DMXL2: variants seen among roughly 807,000 people sequenced by gnomAD.
DMXL2 encodes the protein Dmx like 2.
Under a neutral mutation model 331.1 loss-of-function variants are expected in DMXL2, and 103 were observed. The ratio of observed to expected loss-of-function variants is 0.31; its 90% CI spans 0.27 to 0.37. The LOEUF (loss-of-function observed/expected upper bound fraction) is 0.37, where lower values mean the gene tolerates loss of function less well. Ranked by LOEUF, DMXL2 falls within the 10% of genes least tolerant of loss-of-function variation. The pLI is 1.00. For synonymous variants in DMXL2, 1,281 were observed against 1,252.1 expected, an observed-to-expected ratio of 1.02 and a Z score of -0.49; for missense variants, 3,171 against 3,642.9, an observed-to-expected ratio of 0.87 and a Z score of 3.33.
chr15:51,576,411 G>T (rs1026606194), intron 1 of DMXL2, among the ~76,000 whole-genome samples: 2 of 152,014 alleles, frequency 1.3e-5, no homozygotes, highest in Non-Finnish European at 2.9e-5. Flanking sequence ...TTACTAATAG[G>T]AAAAGGGTTC....
chr15:51,553,662 C>T (rs2049361472), intron 6 of DMXL2, among the ~76,000 whole-genome samples: 1 of 152,062 alleles, frequency 6.6e-6, no homozygotes, highest in Non-Finnish European at 1.5e-5. Context: ...GGATGAAGAC[C>T]TTATGACCAT....
At chr15:51,457,285 A>G (rs765972740) in intron 37 of DMXL2, 43 bp downstream of exon 37, 4 of 1,590,794 alleles carry the variant, frequency 2.5e-6, no homozygotes, top group Non-Finnish European at 3.4e-6. Flanking sequence ...CTGATTTTTC[A>G]GAGTCCAAAT....
At chr15:51,617,354 C>A (rs531707081) in intron 1 of DMXL2, among the ~76,000 whole-genome samples, 4 of 152,312 alleles carry the variant, frequency 2.6e-5, no homozygotes, top group African/African-American at 9.6e-5. Flanking sequence ...TCGCAGGCAA[C>A]TATCATCTGC....
At chr15:51,529,188 T>C (rs2047859239) in intron 13 of DMXL2, among the ~76,000 whole-genome samples, 1 of 151,858 alleles carries the variant, frequency 6.6e-6, no homozygotes, top group Non-Finnish European at 1.5e-5. Context: ...AACCTAACGA[T>C]GACTCTTAAA....
At chr15:51,525,543 G>A (rs532618971) in intron 13 of DMXL2, among the ~76,000 whole-genome samples, 1 of 152,200 alleles carries the variant, frequency 6.6e-6, no homozygotes, top group African/African-American at 2.4e-5. Context: ...TGGATCTTCT[G>A]TGGGCCAGAA....
chr15:51,588,118 T>A (rs1180074212), intron 1 of DMXL2, among the ~76,000 whole-genome samples: 1 of 151,946 alleles, frequency 6.6e-6, no homozygotes, highest in Admixed American at 6.6e-5. Context: ...ATTCTGTAGG[T>A]CGCCTGTTCA....
intron 29 of DMXL2, among the ~76,000 whole-genome samples, 190 bp downstream of exon 29, chr15:51,471,033 A>G (rs914412291): frequency 6.6e-6 from 1 of 152,200 alleles, no homozygotes; most frequent in Non-Finnish European, 1.5e-5. Context: ...TTTGTCTCCT[A>G]CATCATCAGG....
At chr15:51,454,348 C>T (rs1053028391) in intron 40 of DMXL2, among the ~76,000 whole-genome samples, 7 of 152,054 alleles carry the variant, frequency 4.6e-5, no homozygotes, top group Non-Finnish European at 8.8e-5. Context: ...GTTCCTTTCC[C>T]CCACCATATC....
intron 19 of DMXL2, among the ~76,000 whole-genome samples, chr15:51,492,455 G>A (rs781177285): frequency 1.3e-5 from 2 of 152,142 alleles, no homozygotes; most frequent in Non-Finnish European, 2.9e-5. Context: ...GCCTAATACT[G>A]ATGCTTTTTG....
chr15:51,601,395 T>C (rs2053221917), intron 1 of DMXL2, among the ~76,000 whole-genome samples: 2 of 152,086 alleles, frequency 1.3e-5, no homozygotes, highest in South Asian at 4.1e-4. Context: ...CCTTCTAAAA[T>C]ATGTATTGTT....
intron 1 of DMXL2, among the ~76,000 whole-genome samples, chr15:51,585,171 T>G (rs988964640): frequency 1.0e-4 from 10 of 98,986 alleles, no homozygotes; most frequent in African/African-American, 1.6e-4. Flanking sequence ...CTATGTTGAA[T>G]AGGAGCGGTG....
chr15:51,604,278 A>G (rs1472144640), intron 1 of DMXL2, among the ~76,000 whole-genome samples: 1 of 151,224 alleles, frequency 6.6e-6, no homozygotes, highest in African/African-American at 2.4e-5. Context: ...CATCTATAAA[A>G]AAAAAACCTA....
chr15:51,505,791 T>C (rs1482789556), intron 16 of DMXL2, among the ~76,000 whole-genome samples: 1 of 152,238 alleles, frequency 6.6e-6, no homozygotes, highest in African/African-American at 2.4e-5. Flanking sequence ...TTAAATGTTA[T>C]ATAAAAAGTT....
Position 51,514,442 on chromosome 15 carries a change from C to A in DMXL2, c.2644G>T (p.Gly882Ter). The A allele has an allele frequency of 1.3e-6, 2 of 1,514,476 alleles. No individual in the cohort carries two copies. The highest frequency in any genetic ancestry group is 1.4e-5 in the African/African-American group (1 of 71,016). 93.8% of individuals were successfully genotyped at this position (1,514,476 alleles called of 1,614,324 possible). ...ETEIFFQPSQGYRPPPFSEKF... is the reference protein window; with the variant it reads ...ETEIFFQPSQ ...AATGCAGACTATTTTTTTAAAGTAC[C>A]TTGTGATGGCTGAAAAAATATTTCT... Residue 882 changes from glycine to a stop codon, truncating the protein, a stop_gained and splice_region_variant, in exon 15 of 44, where the codon GGA (glycine) becomes TGA (stop). Transcript: ENST00000560891. LOFTEE classifies it high-confidence loss of function.
In DMXL2 at chr15:51,520,381, G is replaced by T. The variant is rs1056717574; in HGVS notation, c.2437-3214C>A. ...ACTCAGCAAGGTCAGTTAACCCAGAGAATCATTTTTAAAATAATATGTATA... is the reference window on the plus strand; with the variant it reads ...ACTCAGCAAGGTCAGTTAACCCAGATAATCATTTTTAAAATAATATGTATA... On this transcript the variant is annotated intron_variant, in intron 13 of 43. Coordinates refer to ENST00000560891, the MANE Select transcript of DMXL2 (RefSeq NM_001378457.1). Among the ~76,000 whole-genome samples the T allele has an allele frequency of 5.9e-5, 9 of 152,152 alleles. No homozygotes were observed. The East Asian group carries it at 7.7e-4, about 13-fold the overall frequency.
At chr15:51,508,007 CATA>C (rs1468841209) in intron 15 of DMXL2, among the ~76,000 whole-genome samples, 2 of 152,130 alleles carry the variant, frequency 1.3e-5, no homozygotes, top group African/African-American at 4.8e-5. Flanking sequence ...CATTAAAACT[CATA>C]ATGACAACAT....
At chr15:51,538,543 G>A (rs2048410860) in intron 9 of DMXL2, 91 bp from the exon 10 acceptor site, 1 of 1,001,982 alleles carries the variant, frequency 1.0e-6, no homozygotes, top group South Asian at 2.3e-5. Flanking sequence ...ATAAAGAAAA[G>A]GTGCTAAACA....
At chr15:51,473,930 G>A (rs1004195820) in intron 28 of DMXL2, among the ~76,000 whole-genome samples, 4 of 151,892 alleles carry the variant, frequency 2.6e-5, no homozygotes, top group Non-Finnish European at 4.4e-5. Context: ...GCCAACTGCT[G>A]GTATGCGCTA....
At chr15:51,481,839 G>T (rs965106609) in intron 23 of DMXL2, among the ~76,000 whole-genome samples, 27 of 152,274 alleles carry the variant, frequency 1.8e-4, no homozygotes, top group African/African-American at 6.5e-4. Flanking sequence ...ACTATAGAGT[G>T]ATGTCCAGGA....
Sources: allele counts gnomAD v4.1 joint callset (sites outside exome capture counted in the v4.1 genomes callset), GRCh38; gene constraint gnomAD v4.1.1; transcripts MANE v1.5; gene names NCBI Gene and HGNC (gene_info 2026-07-23, HGNC 2026-07-21).